CADM2: variants seen among roughly 807,000 people sequenced by gnomAD.
CADM2 encodes immunoglobulin superfamily member 4D.
Under a neutral mutation model 49.8 loss-of-function variants are expected in CADM2, and 12 were observed. The observed-to-expected ratio is 0.24, with a 90% confidence interval of 0.15 to 0.39. The LOEUF (loss-of-function observed/expected upper bound fraction) is 0.39. Among genes scored for constraint, CADM2 ranks in the 10% least tolerant of loss-of-function variants. The pLI is 1.00. For missense variants in CADM2, 378 were observed against 492.3 expected (o/e 0.77, Z 2.20); for synonymous variants, 214 against 175.4 (o/e 1.22, Z -1.74).
At chr3:85,636,955 A>T (rs2064507044) in intron 1 of CADM2, among the ~76,000 whole-genome samples, 1 of 152,180 alleles carries the variant, frequency 6.6e-6, no homozygotes. Context: ...AACATTAAGC[A>T]TGACTGCACT....
chr3:85,303,619 T>G (rs13433706), intron 1 of CADM2, among the ~76,000 whole-genome samples: 9,542 of 152,006 alleles, frequency 0.063, 351 homozygotes, highest in East Asian at 0.14. Flanking sequence ...TCATATGATA[T>G]ATATTATCTA....
At chr3:85,297,572 C>A (rs1451497322) in intron 1 of CADM2, among the ~76,000 whole-genome samples, 1 of 151,976 alleles carries the variant, frequency 6.6e-6, no homozygotes, top group Non-Finnish European at 1.5e-5. Context: ...AGCTTTAAGG[C>A]AGACTCCTAA....
chr3:86,003,632 T>G (rs1730438961), intron 8 of CADM2, among the ~76,000 whole-genome samples: 1 of 152,168 alleles, frequency 6.6e-6, no homozygotes, highest in Non-Finnish European at 1.5e-5. Context: ...TATTCATAAC[T>G]GAGAAATATA....
At chr3:85,189,980 GTC>G (rs2041169798) in intron 1 of CADM2, among the ~76,000 whole-genome samples, 1 of 112,904 alleles carries the variant, frequency 8.9e-6, no homozygotes, top group African/African-American at 3.4e-5. Context: ...TTTTTTTAGT[GTC>G]TGCATGGATG....
chr3:85,691,785 T>C (rs6797555), intron 1 of CADM2, among the ~76,000 whole-genome samples: 107,800 of 151,976 alleles, frequency 0.71, 38,509 homozygotes, highest in African/African-American at 0.77. Context: ...CCATGGAATG[T>C]TATGCATCCA....
chr3:86,035,294 T>A (rs9809966), intron 8 of CADM2, among the ~76,000 whole-genome samples: 3 of 151,594 alleles, frequency 2.0e-5, no homozygotes, highest in African/African-American at 7.3e-5. Context: ...ATTTTCTACC[T>A]CTAGTATTCT....
chr3:85,800,481 G>A (rs1215419863), intron 2 of CADM2: 1 of 155,636 alleles, frequency 6.4e-6, no homozygotes, highest in African/African-American at 2.4e-5. Context: ...AGCTAGCTCA[G>A]TGTCTGCCCA....
At chr3:85,790,382 T>C (rs1326643747) in intron 2 of CADM2, among the ~76,000 whole-genome samples, 2 of 152,174 alleles carry the variant, frequency 1.3e-5, no homozygotes, top group Non-Finnish European at 2.9e-5. Context: ...AGGTACTGTA[T>C]AGGTAAACTG....
At chr3:84,988,098 T>C (rs145567213) in intron 1 of CADM2, among the ~76,000 whole-genome samples, 10 of 152,292 alleles carry the variant, frequency 6.6e-5, no homozygotes, top group East Asian at 1.9e-4. Flanking sequence ...CCCCATCCAC[T>C]TTTTGACCAC....
intron 5 of CADM2, among the ~76,000 whole-genome samples, chr3:85,898,568 T>C (rs1431852667): frequency 6.7e-6 from 1 of 148,628 alleles, no homozygotes; most frequent in Non-Finnish European, 1.5e-5. Flanking sequence ...TCTGTACATA[T>C]CTTTCTTTTT....
chr3:85,424,630 A>G (rs2036318187), intron 1 of CADM2, among the ~76,000 whole-genome samples: 1 of 152,158 alleles, frequency 6.6e-6, no homozygotes, highest in Non-Finnish European at 1.5e-5. Flanking sequence ...TGTGAAATGC[A>G]AACAGCAAAA....
At chr3:85,254,702 G>T (rs1183219368) in intron 1 of CADM2, among the ~76,000 whole-genome samples, 1 of 152,126 alleles carries the variant, frequency 6.6e-6, no homozygotes, top group Non-Finnish European at 1.5e-5. Flanking sequence ...GAACAATTTA[G>T]TGGCAATATG....
At chr3:86,042,399 C>T (rs1214281680) in intron 8 of CADM2, among the ~76,000 whole-genome samples, 1 of 152,164 alleles carries the variant, frequency 6.6e-6, no homozygotes, top group Non-Finnish European at 1.5e-5. Flanking sequence ...AAGGGGATAT[C>T]ACTACCGATC....
intron 1 of CADM2, among the ~76,000 whole-genome samples, chr3:85,023,601 C>T (rs975310460): frequency 6.6e-6 from 1 of 152,012 alleles, no homozygotes; most frequent in African/African-American, 2.4e-5. Flanking sequence ...CCATTTTATT[C>T]AAGCCAAGAA....
rs374296006 is a variant in CADM2, at chr3:85,854,608, A to T, written c.239-28683A>T. On this transcript the variant is annotated intron_variant, in intron 3 of 9. Transcript: ENST00000383699. ...AACGCATGGACACATGGAGGGGAAC[A>T]TCACACACCAGGGCCTGTCAGGGGT... 2.8e-4 allele frequency among the ~76,000 whole-genome samples: 42 copies of T among 152,222 alleles called. No homozygotes were observed. The East Asian group carries it at 7.6e-3, about 28-fold the overall frequency.
intron 1 of CADM2, among the ~76,000 whole-genome samples, chr3:85,096,997 A>AT (rs1006615791): frequency 2.0e-5 from 3 of 151,870 alleles, no homozygotes; most frequent in Non-Finnish European, 2.9e-5. Context: ...TTCCAGTTGG[A>AT]TTTTTTTTAT....
chr3:85,894,398 A>G (rs1243665903), intron 5 of CADM2, among the ~76,000 whole-genome samples: 2 of 152,286 alleles, frequency 1.3e-5, no homozygotes, highest in Non-Finnish European at 2.9e-5. Flanking sequence ...CTAATGTTAA[A>G]TGACGAGTTA....
rs150285368 is a variant in CADM2 at position 85,963,287 on chromosome 3, C to T, written c.970+1640C>T. Among the ~76,000 whole-genome samples, 133 of 151,980 alleles carry T rather than the reference C, an allele frequency of 8.8e-4. No individual in the cohort carries two copies. The South Asian group carries it at 9.5e-3, about 11-fold the overall frequency. On this transcript the variant is annotated intron_variant, in intron 8 of 9. Coordinates refer to ENST00000383699, the MANE Select transcript of CADM2 (RefSeq NM_001167675.2). ...ACTTCATGAATTGTACAAAATTCAA[C>T]TTTGGAAAAATTAGCCTAATCCAAT... is the stretch of plus-strand genomic sequence containing the variant.
intron 8 of CADM2, among the ~76,000 whole-genome samples, chr3:86,011,348 A>G (rs1731485795): frequency 6.6e-6 from 1 of 152,178 alleles, no homozygotes; most frequent in Non-Finnish European, 1.5e-5. Context: ...ATCCATCTAT[A>G]TAACTAACCA....
Sources: gnomAD v4.1 joint callset for allele counts (sites outside exome capture counted in the v4.1 genomes callset) on GRCh38, gnomAD v4.1.1 for gene constraint, MANE v1.5 for transcripts, NCBI Gene and HGNC (gene_info 2026-07-23, HGNC 2026-07-21) for gene names.